Variants in SLC39A10 observed in about 807,000 individuals in gnomAD.
The protein encoded by SLC39A10 is zinc transporter ZIP10.
A neutral mutation model predicts 65.1 loss-of-function variants in SLC39A10; 13 were observed. The ratio of observed to expected loss-of-function variants is 0.20; its 90% CI spans 0.13 to 0.32. The LOEUF is 0.32. Among genes scored for constraint, SLC39A10 ranks in the 10% least tolerant of loss-of-function variants. The pLI, the probability that SLC39A10 is intolerant of heterozygous loss-of-function variation, is 1.00. For missense variants in SLC39A10, 831 were observed against 1,018.4 expected (o/e 0.82, Z 2.50); for synonymous variants, 321 against 342.2 (o/e 0.94, Z 0.68).
intron 2 of SLC39A10, among the ~76,000 whole-genome samples, chr2:195,620,385 G>A (rs925427864): frequency 6.6e-6 from 1 of 152,132 alleles, no homozygotes; most frequent in African/African-American, 2.4e-5. Flanking sequence ...ATAAATGAAG[G>A]CATTGTAGAA....
chr2:195,733,690 C>G (rs367972892), intron 9 of SLC39A10, among the ~76,000 whole-genome samples: 95 of 151,970 alleles, frequency 6.3e-4, no homozygotes, highest in African/African-American at 2.2e-3. Context: ...ACCACCATGC[C>G]CAGCTGATTT....
In SLC39A10 at chr2:195,708,650, T is replaced by C; in HGVS notation, c.1387-6T>C. On this transcript the variant is annotated splice_polypyrimidine_tract_variant and splice_region_variant and intron_variant, in intron 4 of 9. Transcript: ENST00000359634. ...GTTTAGAAGTTTTATTTGTTCTTATTAATAGTCTCAGGGTGGACATGATCA... is the reference window on the plus strand; with the variant it reads ...GTTTAGAAGTTTTATTTGTTCTTATCAATAGTCTCAGGGTGGACATGATCA... The C allele has an allele frequency of 6.5e-7, 1 of 1,544,416 alleles. No homozygotes were observed. Among genetic ancestry groups the C allele is most frequent in the Non-Finnish European group, 8.7e-7 (1 of 1,149,624 alleles).
chr2:195,668,228 A>G (rs1440295579), intron 1 of SLC39A10, among the ~76,000 whole-genome samples: 2 of 152,242 alleles, frequency 1.3e-5, no homozygotes, highest in Admixed American at 6.5e-5. Context: ...AAAGCCATTC[A>G]GTCATATAGA....
At chr2:195,708,476 T>G (rs958187935) in intron 4 of SLC39A10, among the ~76,000 whole-genome samples, 180 bp from the exon 5 acceptor site, 2 of 152,348 alleles carry the variant, frequency 1.3e-5, no homozygotes, top group African/African-American at 4.8e-5. Flanking sequence ...AGTAGTATTT[T>G]GGACAACTGA....
At position 195,728,168 on chromosome 2, in the gene SLC39A10, C is replaced by T; in HGVS notation, c.2156C>T (p.Ala719Val). The T allele has an allele frequency of 6.2e-7, 1 of 1,606,060 alleles. No individual in the cohort carries two copies. Among genetic ancestry groups the T allele is most frequent in the Non-Finnish European group, 8.5e-7 (1 of 1,174,482 alleles). The stretch of plus-strand genomic sequence containing the variant: ...TGTTTCTTAATTGCAGGAGATTTTG[C>T]AGTTCTTCTTAAAGCAGGCATGACT... ...HELPHELGDF[A>V]VLLKAGMTVK... Residue 719 changes from alanine to valine, a missense_variant, in exon 9 of 10, where the codon GCA (alanine) becomes GTA (valine). Transcript: ENST00000359634. The surrounding 1 kb of genome is among the most constrained non-coding windows in gnomAD (Gnocchi z 4.4).
intron 5 of SLC39A10, among the ~76,000 whole-genome samples, chr2:195,712,037 C>G (rs1691617546): frequency 6.6e-6 from 1 of 152,142 alleles, no homozygotes; most frequent in Admixed American, 6.6e-5. Flanking sequence ...TGGGGAGTTC[C>G]TCTCTACTTG....
In SLC39A10 at chr2:195,680,559, G is replaced by T; in HGVS notation, c.517G>T (p.Asp173Tyr). Residue 173 changes from aspartate to tyrosine, a missense_variant, in exon 2 of 10, where the codon GAC becomes TAC. Physicochemically the swap from Asp to Tyr is radical, Grantham distance 160. Around this residue, in one of 4 missense-constraint regions of SLC39A10, gnomAD observed 446 missense variants for 499.2 expected, o/e 0.89. Coordinates refer to ENST00000359634, the MANE Select transcript of SLC39A10 (RefSeq NM_020342.3). ...SVKSDDKHMHDHNHRLRHHHR... is the reference protein window; with the variant it reads ...SVKSDDKHMHYHNHRLRHHHR... The stretch of plus-strand genomic sequence containing the variant: ...AAAATCTGATGATAAACATATGCAT[G>T]ACCATAATCACCGCCTACGTCATCA... The T allele has an allele frequency of 6.2e-7, 1 of 1,614,058 alleles. No individual in the cohort carries two copies. The highest frequency in any genetic ancestry group is 1.1e-5 in the South Asian group (1 of 91,042).
intron 2 of SLC39A10, among the ~76,000 whole-genome samples, chr2:195,619,535 C>A (rs1688304946): frequency 6.6e-6 from 1 of 151,990 alleles, no homozygotes; most frequent in African/African-American, 2.4e-5. Flanking sequence ...GTGTGATGTG[C>A]CTAGCTATGG....
At chr2:195,725,448 G>A (rs1173275691) in intron 8 of SLC39A10, among the ~76,000 whole-genome samples, 1 of 152,146 alleles carries the variant, frequency 6.6e-6, no homozygotes, top group Non-Finnish European at 1.5e-5. Flanking sequence ...ATGTTTCACT[G>A]AAGAAAGTAT....
chr2:195,614,887 C>CA (rs1559001799), intron 2 of SLC39A10, among the ~76,000 whole-genome samples: 3 of 151,922 alleles, frequency 2.0e-5, no homozygotes, highest in African/African-American at 7.3e-5. Flanking sequence ...GACCCTGCTA[C>CA]AAAAAATAAA....
chr2:195,638,778 C>T (rs796114247), intron 2 of SLC39A10, among the ~76,000 whole-genome samples: 1 of 152,168 alleles, frequency 6.6e-6, no homozygotes, highest in East Asian at 1.9e-4. Context: ...TATTGATATA[C>T]GTTTATTAAC....
intron 6 of SLC39A10, among the ~76,000 whole-genome samples, chr2:195,715,184 A>G (rs1691744618): frequency 1.3e-5 from 2 of 152,084 alleles, no homozygotes; most frequent in Non-Finnish European, 2.9e-5. Flanking sequence ...AAAGCACATA[A>G]TCTCTTTTAT....
upstream of SLC39A10, among the ~76,000 whole-genome samples, chr2:195,653,079 G>A (rs1397447250): frequency 1.3e-5 from 2 of 152,102 alleles, no homozygotes; most frequent in Non-Finnish European, 2.9e-5. Flanking sequence ...GCCAAAAAAA[G>A]TTGGGGACTG....
upstream of SLC39A10, among the ~76,000 whole-genome samples, chr2:195,655,967 C>T (rs768543914): frequency 2.0e-5 from 3 of 152,216 alleles, no homozygotes; most frequent in Non-Finnish European, 2.9e-5. Flanking sequence ...GAAATCCCAA[C>T]TCTTTTCTCT....
intron 1 of SLC39A10, among the ~76,000 whole-genome samples, chr2:195,668,088 G>C (rs1200108479): frequency 6.6e-6 from 1 of 152,112 alleles, no homozygotes; most frequent in African/African-American, 2.4e-5. Context: ...TTGACTCCTA[G>C]GCTAATCTAT....
In SLC39A10 at chr2:195,640,227, A is replaced by G. The variant is rs74411846; in HGVS notation, c.-12+33994A>G. ...CAAAGGCAGTTAAGTAGCACCTTAA[A>G]TCAGGGTGAGGCTTAATATTTGTCT... On this transcript the variant is annotated intron_variant, in intron 2 of 2. Transcript: ENST00000458054. Among the ~76,000 whole-genome samples the G allele has an allele frequency of 1.3e-4, 20 of 152,270 alleles. No homozygotes were observed. The East Asian group carries it at 3.9e-3, about 29-fold the overall frequency.
chr2:195,689,026 G>A (rs554174286), intron 3 of SLC39A10, among the ~76,000 whole-genome samples: 1 of 152,166 alleles, frequency 6.6e-6, no homozygotes, highest in South Asian at 2.1e-4. Context: ...CCACCTCTAT[G>A]AGGTAAACAC....
At chr2:195,648,083 C>T (rs1026487482) in intron 2 of SLC39A10, among the ~76,000 whole-genome samples, 3 of 152,220 alleles carry the variant, frequency 2.0e-5, no homozygotes, top group Admixed American at 1.3e-4. Flanking sequence ...GCCTCCACCT[C>T]CTGGGCTCCA....
At chr2:195,734,060 G>C (rs997267403) in intron 9 of SLC39A10, among the ~76,000 whole-genome samples, 1 of 148,622 alleles carries the variant, frequency 6.7e-6, no homozygotes, top group African/African-American at 2.5e-5. Context: ...TCTCTTTGCT[G>C]TCATGAGCAG....
Sources: allele counts gnomAD v4.1 joint callset (sites outside exome capture counted in the v4.1 genomes callset), GRCh38; gene constraint gnomAD v4.1.1; regional missense constraint gnomAD v4.1.1; non-coding constraint Gnocchi (gnomAD v3.1); transcripts MANE v1.5; gene names NCBI Gene and HGNC (gene_info 2026-07-23, HGNC 2026-07-21).